KCNMA1: variants seen among roughly 807,000 people sequenced by gnomAD.
The protein encoded by KCNMA1 is Calcium-activated potassium channel subunit alpha-1.
In KCNMA1, 29 loss-of-function variants were observed where a neutral mutation model predicts 140.0. The ratio of observed to expected loss-of-function variants is 0.21; its 90% CI spans 0.15 to 0.28. The LOEUF is 0.28. Among genes scored for constraint, KCNMA1 ranks in the 10% least tolerant of loss-of-function variants. KCNMA1 has a pLI of 1.00. For synonymous variants in KCNMA1, 612 were observed against 611.9 expected, an observed-to-expected ratio of 1.00 and a Z score of 0.00; for missense variants, 880 against 1,602.2, an observed-to-expected ratio of 0.55 and a Z score of 7.70.
intron 2 of KCNMA1, chr10:77,355,075 T>C (rs946120271): frequency 6.6e-6 from 1 of 152,632 alleles, no homozygotes; most frequent in African/African-American, 2.4e-5. Flanking sequence ...CCCCATACTG[T>C]TCTCGTGGTA....
intron 2 of KCNMA1, among the ~76,000 whole-genome samples, chr10:77,259,788 G>A (rs973364623): frequency 2.0e-5 from 3 of 152,196 alleles, no homozygotes; most frequent in African/African-American, 4.8e-5. Context: ...TAGCAAAGCA[G>A]CAATTTTACA....
At chr10:76,892,072 G>T (rs905789713) in intron 25 of KCNMA1, among the ~76,000 whole-genome samples, 4 of 152,228 alleles carry the variant, frequency 2.6e-5, no homozygotes, top group African/African-American at 9.6e-5. Context: ...TTCTGGACAC[G>T]TGTAATAAAA....
intron 1 of KCNMA1, among the ~76,000 whole-genome samples, chr10:77,479,632 G>A (rs1436439939): frequency 6.6e-6 from 1 of 152,076 alleles, no homozygotes; most frequent in Non-Finnish European, 1.5e-5. Context: ...CCCATCTGAG[G>A]GATATAGAGA....
At chr10:77,219,787 T>C (rs1324177071) in intron 3 of KCNMA1, among the ~76,000 whole-genome samples, 1 of 152,152 alleles carries the variant, frequency 6.6e-6, no homozygotes, top group Non-Finnish European at 1.5e-5. Flanking sequence ...ACCTGGCTAA[T>C]TTAGCAACCT....
chr10:77,200,454 T>C (rs751752370), intron 3 of KCNMA1, among the ~76,000 whole-genome samples: 61 of 152,204 alleles, frequency 4.0e-4, no homozygotes, highest in Non-Finnish European at 7.2e-4. Context: ...AGTATCTTAA[T>C]ATCCTGGGAA....
intron 5 of KCNMA1, among the ~76,000 whole-genome samples, chr10:77,166,685 A>AG (rs2098646196): frequency 6.6e-6 from 1 of 151,766 alleles, no homozygotes; most frequent in Non-Finnish European, 1.5e-5. Flanking sequence ...GAAAAGAAGG[A>AG]GGGGAGGAGG....
chr10:77,242,989 G>C (rs999181502), intron 3 of KCNMA1, among the ~76,000 whole-genome samples: 16 of 150,532 alleles, frequency 1.1e-4, no homozygotes, highest in Non-Finnish European at 1.6e-4. Flanking sequence ...TATGAACAAA[G>C]ACATATGCAT....
intron 16 of KCNMA1, chr10:77,020,155 G>A (rs1266901819): frequency 1.3e-5 from 2 of 152,128 alleles, no homozygotes; most frequent in Non-Finnish European, 2.9e-5. Flanking sequence ...GCTTAATAAG[G>A]TAATAGATAT....
At chr10:77,115,640 T>C (rs1564626111) in intron 6 of KCNMA1, among the ~76,000 whole-genome samples, 1 of 152,196 alleles carries the variant, frequency 6.6e-6, no homozygotes, top group South Asian at 2.1e-4. Context: ...AGTCTGAGTC[T>C]CCTTGGTGCT....
At chr10:77,077,319 A>C (rs1205830529) in intron 13 of KCNMA1, among the ~76,000 whole-genome samples, 1 of 152,226 alleles carries the variant, frequency 6.6e-6, no homozygotes, top group Non-Finnish European at 1.5e-5. Context: ...GCCCAACCCC[A>C]AAACTCGAAT....
At chr10:77,490,536 C>T (rs1373420585) in intron 1 of KCNMA1, among the ~76,000 whole-genome samples, 1 of 152,206 alleles carries the variant, frequency 6.6e-6, no homozygotes, top group Non-Finnish European at 1.5e-5. Flanking sequence ...ATTAATATGA[C>T]TACTACTAAC....
intron 2 of KCNMA1, among the ~76,000 whole-genome samples, chr10:77,252,860 G>T (rs184713087): frequency 4.8e-4 from 73 of 151,576 alleles, no homozygotes; most frequent in African/African-American, 1.7e-3. Flanking sequence ...CACCACTGAG[G>T]TTTATTTCAT....
At position 77,291,486 on chromosome 10, in the gene KCNMA1, A is replaced by AT. The variant is rs538973802; in HGVS notation, c.541-40231dup. On this transcript the variant is annotated intron_variant, in intron 2 of 27. Transcript: ENST00000286628. ...CATAAATCAGTTTAGGCAGACTACAATTTTTTTTAACACAGAAAACGCTTA... is the reference window on the plus strand; with the variant it reads ...CATAAATCAGTTTAGGCAGACTACAATTTTTTTTTAACACAGAAAACGCTTA... Among the ~76,000 whole-genome samples, 350 of 152,210 alleles carry AT rather than the reference A, an allele frequency of 2.3e-3. 1 individual carries two copies. The highest frequency in any genetic ancestry group is 7.9e-3 in the African/African-American group (327 of 41,546).
At chr10:77,517,196 A>G (rs936567773) in intron 1 of KCNMA1, among the ~76,000 whole-genome samples, 2 of 152,092 alleles carry the variant, frequency 1.3e-5, no homozygotes, top group East Asian at 1.9e-4. Flanking sequence ...TCCTCCCTCT[A>G]TGAAGAGCTG....
intron 3 of KCNMA1, among the ~76,000 whole-genome samples, chr10:77,215,600 A>G (rs142048859): frequency 1.3e-5 from 2 of 152,258 alleles, no homozygotes; most frequent in Non-Finnish European, 2.9e-5. Context: ...GCCAAGATGA[A>G]AGCCAGGGCC....
downstream of KCNMA1, chr10:76,873,035 A>G (rs989248092): frequency 2.6e-5 from 4 of 152,064 alleles, no homozygotes; most frequent in East Asian, 5.8e-4. Context: ...TCTTTCTCCA[A>G]TCTATCCATG....
At chr10:77,106,172 A>G (rs1312063185) in intron 9 of KCNMA1, among the ~76,000 whole-genome samples, 1 of 152,190 alleles carries the variant, frequency 6.6e-6, no homozygotes, top group African/African-American at 2.4e-5. Context: ...GGTGCTGATG[A>G]CAGGACGGAC....
chr10:77,460,747 T>A (rs761261222), intron 1 of KCNMA1, among the ~76,000 whole-genome samples: 6 of 152,010 alleles, frequency 3.9e-5, no homozygotes, highest in Non-Finnish European at 7.4e-5. Context: ...CACATGGACA[T>A]ACAGAATGGA....
At position 77,637,586 on chromosome 10, in the gene KCNMA1, TCCGCCGCCG is replaced by T. The variant is rs760628050; in HGVS notation, c.48_56del (p.Gly18_Gly20del). The T allele has an allele frequency of 2.1e-5, 32 of 1,524,768 alleles. No individual in the cohort carries two copies. The East Asian group carries it at 3.2e-4, about 15-fold the overall frequency. The allele number at this position is 1,524,768 out of a possible 1,614,324, so 94.5% of individuals were successfully genotyped here. The stretch of plus-strand genomic sequence containing the variant: ...TGCTACTCATTCTAAGACTGCTGCC[TCCGCCGCCG>T]CCGCCGCCGCCGCTGCTGCCGCCGC... On this transcript the variant is annotated inframe_deletion, in exon 1 of 28. Coordinates refer to ENST00000286628, the MANE Select transcript of KCNMA1 (RefSeq NM_001161352.2).
Sources: allele counts gnomAD v4.1 joint callset (sites outside exome capture counted in the v4.1 genomes callset), GRCh38; gene constraint gnomAD v4.1.1; transcripts MANE v1.5; gene names NCBI Gene and HGNC (gene_info 2026-07-23, HGNC 2026-07-21).